The following ANKRD28 variants were observed in gnomAD, a reference collection of about 807,000 sequenced individuals.
The protein encoded by ANKRD28 is ankyrin repeat domain 28.
ANKRD28 carries 44 observed loss-of-function variants against 126.5 expected under a neutral mutation model. That is an observed-to-expected ratio of 0.35 (90% confidence interval 0.27 to 0.45). The LOEUF is 0.45. ANKRD28 is among the 20% of genes least tolerant of loss of function. ANKRD28 has a pLI of 1.00. For missense variants in ANKRD28, 1,110 were observed against 1,316.6 expected (o/e 0.84, Z 2.43); for synonymous variants, 442 against 468.5 (o/e 0.94, Z 0.73).
At chr3:15,746,907 C>G (rs2057512346) in intron 4 of ANKRD28, among the ~76,000 whole-genome samples, 1 of 152,116 alleles carries the variant, frequency 6.6e-6, no homozygotes, top group South Asian at 2.1e-4. Flanking sequence ...GATTCTATAC[C>G]TTCCTAGTTT....
chr3:15,703,957 T>C (rs1181006298), intron 14 of ANKRD28, among the ~76,000 whole-genome samples: 1 of 152,172 alleles, frequency 6.6e-6, no homozygotes, highest in Non-Finnish European at 1.5e-5. Context: ...ATGATGGTTA[T>C]CTCAGGAGAG....
intron 4 of ANKRD28, among the ~76,000 whole-genome samples, chr3:15,742,429 A>C (rs1394584230): frequency 7.3e-6 from 1 of 137,676 alleles, no homozygotes; most frequent in Non-Finnish European, 1.6e-5. Context: ...CCTGGCCGCG[A>C]CCCCGTCTGG....
intron 8 of ANKRD28, among the ~76,000 whole-genome samples, chr3:15,719,318 A>G (rs1326936940): frequency 5.9e-5 from 9 of 152,312 alleles, no homozygotes; most frequent in Non-Finnish European, 2.9e-5. Flanking sequence ...AAATGCTCTG[A>G]AAATCACATT....
chr3:15,715,919 C>A (rs902647129), intron 8 of ANKRD28, among the ~76,000 whole-genome samples: 18 of 151,526 alleles, frequency 1.2e-4, no homozygotes, highest in Non-Finnish European at 1.6e-4. Flanking sequence ...AGGATTCTGT[C>A]TTTCCAAAAT....
intron 4 of ANKRD28, among the ~76,000 whole-genome samples, chr3:15,744,473 C>CTT (rs551103706): frequency 0.14 from 18,737 of 137,128 alleles, 2,001 homozygotes; most frequent in East Asian, 0.57. Context: ...CCAAACCTGG[C>CTT]TTTTTTTTTT....
chr3:15,712,331 AT>A, intron 10 of ANKRD28, 109 bp from the exon 11 acceptor site: 1 of 835,378 alleles, frequency 1.2e-6, no homozygotes, highest in Non-Finnish European at 1.9e-6. Context: ...AAGAGCCAAA[AT>A]GTCTAACACT....
intron 27 of ANKRD28, among the ~76,000 whole-genome samples, chr3:15,672,453 T>C (rs919966607): frequency 6.6e-5 from 10 of 152,136 alleles, no homozygotes; most frequent in East Asian, 1.9e-4. Context: ...CAAAAAGTAA[T>C]TTTTCCCCCT....
At chr3:15,679,868 C>T (rs2067347710) in intron 21 of ANKRD28, among the ~76,000 whole-genome samples, 1 of 151,988 alleles carries the variant, frequency 6.6e-6, no homozygotes, top group Non-Finnish European at 1.5e-5. Flanking sequence ...ACAGAGCAGA[C>T]TTTTTTTCTT....
In ANKRD28 at chr3:15,686,183, C is replaced by T. The variant is rs373575856; in HGVS notation, c.2051+39G>A. ...AGACTGTACTCTGGTTTTCGAAATA[C>T]GCCCTTCTGTGATGCAACAATTATT... On this transcript the variant is annotated intron_variant, in intron 19 of 27. Coordinates refer to ENST00000683139, the MANE Select transcript of ANKRD28 (RefSeq NM_001349278.2). 1,352 of 1,590,432 alleles carry T rather than the reference C, an allele frequency of 8.5e-4. 20 individuals are homozygous for T. In the South Asian group the frequency reaches 0.014, roughly 17 times the overall value.
At position 15,845,523 on chromosome 3, in the gene ANKRD28, C is replaced by T. The variant is rs1267931615; in HGVS notation, c.27+13854G>A. 6.6e-6 allele frequency among the ~76,000 whole-genome samples: 1 copy of T among 152,148 alleles called. No individual in the cohort carries two copies. Among genetic ancestry groups the T allele is most frequent in the Non-Finnish European group, 1.5e-5 (1 of 68,034 alleles). ...CTAGTTTCTAACTACCTGCCTATGC[C>T]TTGGATTAGGCTACTTATTAGATCT... On this transcript the variant is annotated intron_variant, in intron 1 of 27. Transcript: ENST00000399451. The surrounding 1 kb of genome is among the most constrained non-coding windows in gnomAD (Gnocchi z 4.9).
At chr3:15,700,480 A>G (rs968337677) in intron 14 of ANKRD28, among the ~76,000 whole-genome samples, 1 of 152,138 alleles carries the variant, frequency 6.6e-6, no homozygotes, top group Non-Finnish European at 1.5e-5. Context: ...AATTAATTAA[A>G]AAACACTATA....
chr3:15,851,805 A>G (rs543684080), intron 1 of ANKRD28, among the ~76,000 whole-genome samples: 1 of 152,330 alleles, frequency 6.6e-6, no homozygotes, highest in African/African-American at 2.4e-5. Context: ...AGAAATGAAA[A>G]CTTACGTCTA....
At chr3:15,737,004 AAAT>A in intron 5 of ANKRD28, 26 bp downstream of exon 5, 2 of 1,609,164 alleles carry the variant, frequency 1.2e-6, no homozygotes, top group South Asian at 2.2e-5. Flanking sequence ...GAGGAGAGAA[AAAT>A]AATGGTCTAA....
intron 14 of ANKRD28, among the ~76,000 whole-genome samples, chr3:15,702,727 T>A (rs1222757760): frequency 1.3e-5 from 2 of 152,094 alleles, no homozygotes; most frequent in Non-Finnish European, 2.9e-5. Flanking sequence ...TAAGGACCAC[T>A]CAGCCAGGAA....
chr3:15,811,870 T>C (rs2060719490), intron 1 of ANKRD28, among the ~76,000 whole-genome samples: 1 of 151,758 alleles, frequency 6.6e-6, no homozygotes, highest in Admixed American at 6.6e-5. Flanking sequence ...AAAATGTTTC[T>C]AAGCCAGGCA....
intron 21 of ANKRD28, among the ~76,000 whole-genome samples, chr3:15,682,938 T>C (rs1289797580): frequency 6.6e-6 from 1 of 152,222 alleles, no homozygotes; most frequent in African/African-American, 2.4e-5. Context: ...TTATGATCTT[T>C]AAATGGCAAC....
intron 8 of ANKRD28, among the ~76,000 whole-genome samples, chr3:15,715,618 T>C (rs2126109571): frequency 6.6e-6 from 1 of 152,300 alleles, no homozygotes; most frequent in South Asian, 2.1e-4. Context: ...GCACAGGCTC[T>C]GGAGTCAGAA....
intron 1 of ANKRD28, among the ~76,000 whole-genome samples, chr3:15,856,643 T>G (rs1328662857): frequency 6.6e-6 from 1 of 152,208 alleles, no homozygotes; most frequent in East Asian, 1.9e-4. Context: ...CAGAAAGCAA[T>G]GCAGTAATAA....
rs1167619661 is a variant in ANKRD28 at position 15,857,325 on chromosome 3, C to T, written c.27+2052G>A. ...TTTGGGATGGAGTCTCGCTCTGTCG[C>T]CCAGGCTGGAGTGCAGTGGTGCAAC... On this transcript the variant is annotated intron_variant, in intron 1 of 27. Coordinates refer to the ANKRD28 transcript ENST00000399451. Among the ~76,000 whole-genome samples, 6 of 152,326 alleles carry T rather than the reference C, an allele frequency of 3.9e-5. No homozygotes were observed. The South Asian group carries it at 1.2e-3, about 32-fold the overall frequency.
Sources: gnomAD v4.1 joint callset for allele counts (sites outside exome capture counted in the v4.1 genomes callset) on GRCh38, gnomAD v4.1.1 for gene constraint, Gnocchi (gnomAD v3.1) non-coding constraint, MANE v1.5 for transcripts, NCBI Gene and HGNC (gene_info 2026-07-23, HGNC 2026-07-21) for gene names.